TRIM66: variants seen among roughly 807,000 people sequenced by gnomAD.
The protein encoded by TRIM66 is tripartite motif-containing protein 66.
In TRIM66, 99 loss-of-function variants were observed where a neutral mutation model predicts 148.2. The observed-to-expected ratio is 0.67, with a 90% CI of 0.57 to 0.79. TRIM66 has a LOEUF of 0.79. Among genes scored for constraint, TRIM66 ranks in the 30% least tolerant of loss-of-function variants. The probability of loss-of-function intolerance (pLI) is 0.00; values close to 1 mark genes in which losing one functional copy is unlikely to be tolerated. For missense variants in TRIM66, 1,666 were observed against 1,697.9 expected, an observed-to-expected ratio of 0.98 and a Z score of 0.33; for synonymous variants, 616 against 635.9, an observed-to-expected ratio of 0.97 and a Z score of 0.47.
intron 13 of TRIM66, among the ~76,000 whole-genome samples, chr11:8,642,274 C>T (rs148324567): frequency 4.6e-4 from 70 of 152,224 alleles, no homozygotes; most frequent in Non-Finnish European, 7.4e-4. Context: ...GAGTAGGTGG[C>T]CATCAAAGGT....
At chr11:8,682,693 C>G, upstream of TRIM66, 1 of 1,200,316 alleles carries the variant, frequency 8.3e-7, no homozygotes, top group South Asian at 1.2e-5. Flanking sequence ...TCCCGCGAGA[C>G]CAGGAGGCCC....
intron 3 of TRIM66, among the ~76,000 whole-genome samples, chr11:8,676,443 C>T (rs1237961445): frequency 6.6e-6 from 1 of 152,110 alleles, no homozygotes; most frequent in Non-Finnish European, 1.5e-5. Context: ...TCAGGGACCC[C>T]CCACCCCATA....
At chr11:8,668,264 G>GT (rs138176572) in intron 6 of TRIM66, among the ~76,000 whole-genome samples, 2,087 of 145,586 alleles carry the variant, frequency 0.014, 34 homozygotes, top group South Asian at 0.061. Context: ...TTAAAATCAG[G>GT]TTTTTTTTTT....
At chr11:8,634,252 G>T (rs564630199) in intron 15 of TRIM66, among the ~76,000 whole-genome samples, 1 of 152,254 alleles carries the variant, frequency 6.6e-6, no homozygotes, top group African/African-American at 2.4e-5. Context: ...TACAACTTCC[G>T]CCTCCCAGGC....
chr11:8,666,142 G>T (rs962118856), intron 6 of TRIM66, among the ~76,000 whole-genome samples: 14 of 150,930 alleles, frequency 9.3e-5, no homozygotes, highest in Non-Finnish European at 2.1e-4. Context: ...TTTGAGACCA[G>T]CCTGGCCAAT....
Position 8,621,673 on chromosome 11 carries a change from C to A in TRIM66, c.3227G>T (p.Gly1076Val). ...AATGGACATGCTGGAGGACTCAGTG[C>A]CACACTCGATGATCAGCAGGAAGCT... is the stretch of plus-strand genomic sequence containing the variant. ...DGSFLLIIEC[G>V]TESSSMSIKV... is the part of the protein sequence containing the mutation. Residue 1076 changes from glycine to valine, a missense_variant, in exon 19 of 25, where the codon GGC becomes GTC. Gly to Val is a moderately radical substitution (Grantham distance 109). This residue lies in a region of TRIM66 where 1,431 missense variants were observed against 1,412.4 expected (regional missense o/e 1.01). Coordinates refer to ENST00000646038, the MANE Select transcript of TRIM66 (RefSeq NM_001388022.1). 2 of 1,545,714 alleles carry A rather than the reference C, an allele frequency of 1.3e-6. No homozygotes were observed. The highest frequency in any genetic ancestry group is 1.7e-6 in the Non-Finnish European group (2 of 1,144,452).
intron 6 of TRIM66, among the ~76,000 whole-genome samples, chr11:8,660,746 C>T (rs1466893436): frequency 6.6e-6 from 1 of 152,234 alleles, no homozygotes; most frequent in Middle Eastern, 3.2e-3. Flanking sequence ...CCACGTCCAT[C>T]TTTGTGAACT....
At chr11:8,676,340 C>T (rs754366705) in intron 3 of TRIM66, among the ~76,000 whole-genome samples, 10 of 151,964 alleles carry the variant, frequency 6.6e-5, no homozygotes, top group Non-Finnish European at 1.2e-4. Flanking sequence ...TGCTTTGGCA[C>T]CATCAGTGCA....
At position 8,646,578 on chromosome 11, in the gene TRIM66, A is replaced by T. The variant is rs1305757436; in HGVS notation, c.843-17T>A. 6.5e-7 allele frequency: 1 copy of T among 1,540,160 alleles called. No homozygotes were observed. Among genetic ancestry groups the T allele is most frequent in the African/African-American group, 1.4e-5 (1 of 72,822 alleles). On this transcript the variant is annotated splice_polypyrimidine_tract_variant and intron_variant, in intron 10 of 24. Transcript: ENST00000646038. ...TCAAAAATCCTGTAAACACAATGGG[A>T]CAAACCATGGTAAGCTTTCCTCATG...
At chr11:8,638,508 G>C (rs545247319) in intron 15 of TRIM66, 146 bp downstream of exon 15, 1 of 859,164 alleles carries the variant, frequency 1.2e-6, no homozygotes, top group Non-Finnish European at 1.7e-6. Context: ...GACTCACTAC[G>C]GCAGAAGGCA....
chr11:8,664,280 A>T (rs1478330217), intron 6 of TRIM66, among the ~76,000 whole-genome samples: 1 of 152,178 alleles, frequency 6.6e-6, no homozygotes, highest in Non-Finnish European at 1.5e-5. Flanking sequence ...AATTTTTTTA[A>T]TTAAAAAATA....
rs757010472 is a variant in TRIM66, at chr11:8,624,998, A to G, written c.2541T>C (p.Thr847=). ...MPSLTTSHLQ[T]VPSLVHSTFQ... Reference sequence around the variant, plus strand: ...ATGTGCTATGCACAAGGCTGGGCACAGTCTGTAGGTGACTGGTTGTCAGGC... The same window carrying G: ...ATGTGCTATGCACAAGGCTGGGCACGGTCTGTAGGTGACTGGTTGTCAGGC... The change falls in exon 16 of 25, where the codon ACT becomes ACC. Residue 847 remains threonine, a synonymous_variant. Transcript: ENST00000646038. 1 of 1,551,706 alleles carries G rather than the reference A, an allele frequency of 6.4e-7. No homozygotes were observed. Among genetic ancestry groups the G allele is most frequent in the Non-Finnish European group, 8.7e-7 (1 of 1,146,962 alleles).
intron 6 of TRIM66, among the ~76,000 whole-genome samples, chr11:8,656,919 G>A (rs912652383): frequency 1.3e-5 from 2 of 152,206 alleles, no homozygotes; most frequent in South Asian, 2.1e-4. Flanking sequence ...CCCTGTACCC[G>A]GGGATTGGCA....
chr11:8,665,810 G>A (rs867761085), intron 6 of TRIM66, among the ~76,000 whole-genome samples: 47 of 152,032 alleles, frequency 3.1e-4, no homozygotes, highest in Admixed American at 2.2e-3. Flanking sequence ...TTAGCCGGGC[G>A]TGGTGGTGGG....
chr11:8,663,152 G>A (rs780691921), intron 6 of TRIM66: 2 of 152,230 alleles, frequency 1.3e-5, no homozygotes, highest in South Asian at 2.1e-4. Context: ...CCCATCATTA[G>A]CTTTTGAAGA....
Position 8,622,365 on chromosome 11 carries a change from C to CACACACACACACACATATATATAT in TRIM66, c.3080+450_3080+451insATATATATATGTGTGTGTGTGTGT. 2.3e-3 allele frequency among the ~76,000 whole-genome samples: 138 copies of CACACACACACACACATATATATAT among 59,588 alleles called. 5 individuals carry two copies. Among genetic ancestry groups the CACACACACACACACATATATATAT allele is most frequent in the Non-Finnish European group, 3.4e-3 (86 of 25,586 alleles). The allele number at this position is 59,588 out of a possible 152,430, so 39.1% of individuals were successfully genotyped here. Reference sequence around the variant, plus strand: ...ACACACACACACACACACACACACACATATATATATATATATATCTCCTAC... The same window carrying CACACACACACACACATATATATAT: ...ACACACACACACACACACACACACACACACACACACACACATATATATATATATATATATATATATATCTCCTAC... On this transcript the variant is annotated intron_variant, in intron 18 of 24. Coordinates refer to ENST00000646038, the MANE Select transcript of TRIM66 (RefSeq NM_001388022.1).
At chr11:8,681,195 G>A (rs111684267) in intron 1 of TRIM66, among the ~76,000 whole-genome samples, 13 of 151,148 alleles carry the variant, frequency 8.6e-5, no homozygotes, top group Non-Finnish European at 8.8e-5. Context: ...GTGCAGTGGC[G>A]CGATCTCGGT....
At chr11:8,678,113 G>A (rs1289672460) in intron 3 of TRIM66, 3 of 152,142 alleles carry the variant, frequency 2.0e-5, no homozygotes, top group East Asian at 1.9e-4. Context: ...AACATAAAAT[G>A]AATCACAAAA....
intron 6 of TRIM66, among the ~76,000 whole-genome samples, chr11:8,659,633 G>A (rs966953299): frequency 6.6e-6 from 1 of 152,202 alleles, no homozygotes; most frequent in Non-Finnish European, 1.5e-5. Context: ...TGGAGAGCTT[G>A]TTAGAAATCC....
Sources: gnomAD v4.1 joint callset for allele counts (sites outside exome capture counted in the v4.1 genomes callset) on GRCh38, gnomAD v4.1.1 for gene constraint, gnomAD v4.1.1 regional missense constraint, MANE v1.5 for transcripts, NCBI Gene and HGNC (gene_info 2026-07-23, HGNC 2026-07-21) for gene names.